The following SLC25A26 variants were observed in gnomAD, a reference collection of about 807,000 sequenced individuals.
The protein encoded by SLC25A26 is solute carrier family 25 member 26.
SLC25A26 carries 36 observed loss-of-function variants against 37.8 expected under a neutral mutation model. The ratio of observed to expected loss-of-function variants is 0.95; its 90% confidence interval spans 0.73 to 1.26. The LOEUF is 1.26. Among genes scored for constraint, SLC25A26 ranks in the 50% most tolerant of loss-of-function variants. The pLI, the probability that SLC25A26 is intolerant of heterozygous loss-of-function variation, is 0.00. For missense variants in SLC25A26, 390 were observed against 331.1 expected (o/e 1.18, Z -1.38); for synonymous variants, 129 against 122.5 (o/e 1.05, Z -0.35).
intron 9 of SLC25A26, among the ~76,000 whole-genome samples, chr3:66,374,844 G>A (rs1472168412): frequency 1.3e-5 from 2 of 151,462 alleles, no homozygotes; most frequent in Non-Finnish European, 2.9e-5. Flanking sequence ...TCGTGCCACT[G>A]CACTCCAGCC....
rs1446933825 is a variant in SLC25A26 at position 66,199,061 on chromosome 3, C to G, written c.-353-21681C>G. Among the ~76,000 whole-genome samples, 5 of 152,018 alleles carry G rather than the reference C, an allele frequency of 3.3e-5. 1 individual carries two copies. The East Asian group carries it at 5.9e-4, about 18-fold the overall frequency. On this transcript the variant is annotated intron_variant, in intron 1 of 10. Transcript: ENST00000676754. ...CTCTGATCTTGATACTCATCCTCCC[C>G]CTTCTCATGATCCTTACCCTCAAAT...
intron 5 of SLC25A26, among the ~76,000 whole-genome samples, chr3:66,343,456 G>A (rs17044321): frequency 0.054 from 8,170 of 152,120 alleles, 715 homozygotes; most frequent in African/African-American, 0.19. Context: ...GTTTACTGTC[G>A]CTCCCTTTTT....
intron 1 of SLC25A26, among the ~76,000 whole-genome samples, chr3:66,230,508 A>G (rs1276867073): frequency 6.6e-6 from 1 of 152,058 alleles, no homozygotes; most frequent in Non-Finnish European, 1.5e-5. Context: ...GACAAGGATA[A>G]GAAGGGAATT....
At chr3:66,268,714 T>A (rs1037884469) in intron 5 of SLC25A26, among the ~76,000 whole-genome samples, 2 of 152,186 alleles carry the variant, frequency 1.3e-5, no homozygotes, top group African/African-American at 4.8e-5. Flanking sequence ...CACCTAAATC[T>A]CATCTTGAAT....
chr3:66,153,859 T>A (rs1233053475), intron 1 of SLC25A26, among the ~76,000 whole-genome samples: 1 of 152,218 alleles, frequency 6.6e-6, no homozygotes, highest in Non-Finnish European at 1.5e-5. Flanking sequence ...ACAGTGTTAC[T>A]GCTTCCAAAG....
At chr3:66,162,496 G>A (rs1012825793) in intron 1 of SLC25A26, among the ~76,000 whole-genome samples, 2 of 152,102 alleles carry the variant, frequency 1.3e-5, no homozygotes, top group Non-Finnish European at 2.9e-5. Context: ...GTGAGAAAAA[G>A]TGGTCCATGC....
At chr3:66,155,837 G>T (rs2070275215) in intron 1 of SLC25A26, among the ~76,000 whole-genome samples, 1 of 152,088 alleles carries the variant, frequency 6.6e-6, no homozygotes, top group African/African-American at 2.4e-5. Flanking sequence ...CCTCTCTGCA[G>T]TTAGTTTTAT....
At chr3:66,269,202 A>G (rs943620695) in intron 5 of SLC25A26, among the ~76,000 whole-genome samples, 16 of 152,224 alleles carry the variant, frequency 1.1e-4, no homozygotes, top group African/African-American at 3.9e-4. Flanking sequence ...TGATAGCAGT[A>G]TAGCCTGCTA....
At chr3:66,314,456 G>T (rs1413835451) in intron 5 of SLC25A26, among the ~76,000 whole-genome samples, 1 of 152,014 alleles carries the variant, frequency 6.6e-6, no homozygotes, top group Non-Finnish European at 1.5e-5. Flanking sequence ...GTGCATCCTG[G>T]GGATGAAGCC....
intron 5 of SLC25A26, among the ~76,000 whole-genome samples, chr3:66,325,033 G>A (rs1001421082): frequency 2.0e-5 from 3 of 152,124 alleles, no homozygotes; most frequent in East Asian, 1.9e-4. Flanking sequence ...ATTAGGGGGT[G>A]GAGAGGGTCC....
intron 3 of SLC25A26, among the ~76,000 whole-genome samples, chr3:66,257,192 A>G (rs1480045104): frequency 1.3e-5 from 2 of 152,204 alleles, no homozygotes; most frequent in African/African-American, 4.8e-5. Flanking sequence ...TTTTGAGGTT[A>G]GATAAGGTAT....
At chr3:66,354,205 C>T (rs2076524070) in intron 6 of SLC25A26, among the ~76,000 whole-genome samples, 1 of 150,484 alleles carries the variant, frequency 6.6e-6, no homozygotes, top group African/African-American at 2.5e-5. Context: ...GTTTATATTG[C>T]AGTGTGGAGA....
intron 5 of SLC25A26, among the ~76,000 whole-genome samples, chr3:66,297,327 TCA>T (rs2074935582): frequency 1.8e-5 from 1 of 55,056 alleles, no homozygotes. Context: ...AAACTCCATC[TCA>T]AAAAAAAAAA....
chr3:66,275,530 C>T (rs1431529356), intron 5 of SLC25A26, among the ~76,000 whole-genome samples: 1 of 151,990 alleles, frequency 6.6e-6, no homozygotes, highest in African/African-American at 2.4e-5. Context: ...ACATAGCACA[C>T]TCAGAAAATA....
chr3:66,320,859 A>G (rs1431719769), intron 5 of SLC25A26, among the ~76,000 whole-genome samples: 1 of 152,248 alleles, frequency 6.6e-6, no homozygotes, highest in Non-Finnish European at 1.5e-5. Flanking sequence ...AACTTTGGTT[A>G]AAAGTGCCCT....
At chr3:66,238,351 G>A (rs1445682460) in intron 2 of SLC25A26, among the ~76,000 whole-genome samples, 1 of 152,134 alleles carries the variant, frequency 6.6e-6, no homozygotes, top group Non-Finnish European at 1.5e-5. Context: ...GTTAAGATAT[G>A]TATTAACACA....
At chr3:66,277,718 A>G (rs977436811) in intron 5 of SLC25A26, among the ~76,000 whole-genome samples, 5 of 152,146 alleles carry the variant, frequency 3.3e-5, no homozygotes, top group Non-Finnish European at 7.4e-5. Flanking sequence ...ACAGTTGGAA[A>G]GACTGGCAGT....
At chr3:66,296,134 T>A (rs2107533192) in intron 5 of SLC25A26, among the ~76,000 whole-genome samples, 1 of 152,022 alleles carries the variant, frequency 6.6e-6, no homozygotes, top group South Asian at 2.1e-4. Context: ...AAAAAAAAAA[T>A]TTCTTAAAGA....
chr3:66,307,713 C>T (rs1257488922), intron 5 of SLC25A26, among the ~76,000 whole-genome samples: 5 of 152,220 alleles, frequency 3.3e-5, no homozygotes, highest in African/African-American at 9.6e-5. Context: ...GAGTTTTCTG[C>T]ATATGGCTAG....
Sources: allele counts gnomAD v4.1 joint callset (sites outside exome capture counted in the v4.1 genomes callset), GRCh38; gene constraint gnomAD v4.1.1; transcripts MANE v1.5; gene names NCBI Gene and HGNC (gene_info 2026-07-23, HGNC 2026-07-21).